The following PDCD6IP variants were observed in gnomAD, a reference collection of about 807,000 sequenced individuals.
PDCD6IP encodes the protein programmed cell death 6-interacting protein.
In PDCD6IP, 43 loss-of-function variants were observed where a neutral mutation model predicts 103.7. The ratio of observed to expected loss-of-function variants is 0.41; its 90% CI spans 0.32 to 0.53. The LOEUF (loss-of-function observed/expected upper bound fraction) is 0.53. Among genes scored for constraint, PDCD6IP ranks in the 20% least tolerant of loss-of-function variants. The probability of loss-of-function intolerance (pLI) is 0.16; values close to 1 mark genes in which losing one functional copy is unlikely to be tolerated. For synonymous variants in PDCD6IP, 354 were observed against 378.7 expected, an observed-to-expected ratio of 0.93 and a Z score of 0.76; for missense variants, 871 against 1,036.7, an observed-to-expected ratio of 0.84 and a Z score of 2.20.
intron 6 of PDCD6IP, 57 bp downstream of exon 6, chr3:33,826,637 T>C (rs1697132234): frequency 6.2e-7 from 1 of 1,600,612 alleles, no homozygotes; most frequent in Non-Finnish European, 8.5e-7. Flanking sequence ...ATTTAGACTT[T>C]TTTGTGTATA....
chr3:33,801,516 T>C (rs1442589843), intron 1 of PDCD6IP, among the ~76,000 whole-genome samples: 2 of 152,186 alleles, frequency 1.3e-5, no homozygotes, highest in African/African-American at 4.8e-5. Flanking sequence ...AAAAACTCAT[T>C]TGTTCTGGGT....
chr3:33,821,051 G>GAGCAAGTGTAGTGGCATGTAGT (rs1274284237), intron 3 of PDCD6IP, among the ~76,000 whole-genome samples: 1 of 152,120 alleles, frequency 6.6e-6, no homozygotes, highest in Non-Finnish European at 1.5e-5. Flanking sequence ...CTGACGCTCA[G>GAGCAAGTGTAGTGGCATGTAGT]GGTGAAGTGT....
chr3:33,824,519 A>G (rs1010690044), intron 4 of PDCD6IP, among the ~76,000 whole-genome samples: 8 of 152,134 alleles, frequency 5.3e-5, no homozygotes, highest in African/African-American at 1.9e-4. Context: ...CAGCCTCCCA[A>G]AGTGCCGGGA....
At chr3:33,813,497 C>A in intron 2 of PDCD6IP, 62 bp from the exon 3 acceptor site, 1 of 1,016,286 alleles carries the variant, frequency 9.8e-7, no homozygotes, top group Non-Finnish European at 1.5e-6. Flanking sequence ...TCAAAGAAGA[C>A]TTAATATTTA....
chr3:33,821,118 C>T (rs1350545067), intron 3 of PDCD6IP, among the ~76,000 whole-genome samples: 8 of 151,890 alleles, frequency 5.3e-5, no homozygotes, highest in African/African-American at 9.7e-5. Flanking sequence ...GTGGTCCTCC[C>T]GCCTCCGAGT....
intron 1 of PDCD6IP, among the ~76,000 whole-genome samples, chr3:33,806,723 C>G (rs1407729283): frequency 6.6e-6 from 1 of 152,158 alleles, no homozygotes; most frequent in Non-Finnish European, 1.5e-5. Context: ...GTGGTAGATT[C>G]TCTTGTTTCT....
intron 15 of PDCD6IP, among the ~76,000 whole-genome samples, chr3:33,858,749 G>A (rs1306895098): frequency 6.6e-6 from 1 of 151,818 alleles, no homozygotes; most frequent in Non-Finnish European, 1.5e-5. Context: ...GGCGGAGCTT[G>A]CAGTGAGCTG....
chr3:33,803,936 A>G (rs1220712352), intron 1 of PDCD6IP, among the ~76,000 whole-genome samples: 1 of 151,630 alleles, frequency 6.6e-6, no homozygotes, highest in African/African-American at 2.4e-5. Context: ...TGACTTTTTC[A>G]TTTGTAAAAT....
Position 33,799,426 on chromosome 3 carries a change from A to G in PDCD6IP, c.209+489A>G, listed in dbSNP as rs1304244746. 3 of 153,760 alleles carry G rather than the reference A, an allele frequency of 2.0e-5. No individual in the cohort carries two copies. The Admixed American group carries it at 2.0e-4, about 10-fold the overall frequency. The allele number at this position is 153,760 out of a possible 1,614,324, so 9.5% of individuals were successfully genotyped here. A position where few individuals can be genotyped will look rare whatever the true frequency, so the allele number is the denominator to read the frequency against. On this transcript the variant is annotated intron_variant, in intron 1 of 17. Transcript: ENST00000307296. ...TCAGCTCATCACATTGTCCACATGA[A>G]ATGGACCGTCTTCCTCAGTTCAAAA...
rs145293758 is a variant in PDCD6IP, at chr3:33,864,095, C to G, written c.2210C>G (p.Pro737Arg). The change falls in exon 16 of 18, where the codon CCA becomes CGA. Residue 737 changes from proline (P) to arginine (R), a missense_variant. Coordinates refer to ENST00000307296, the MANE Select transcript of PDCD6IP (RefSeq NM_013374.6). ...TCCTCACCAGCAGGAGGACATGCAC[C>G]AACTCCTCCAACTCCAGCGCCAAGA... is the stretch of plus-strand genomic sequence containing the variant. ...YQSSPAGGHA[P>R]TPPTPAPRTM... 5.7e-4 allele frequency: 925 copies of G among 1,610,526 alleles called. 5 individuals carry two copies. The highest frequency in any genetic ancestry group is 2.3e-4 in the Non-Finnish European group (269 of 1,176,836).
At chr3:33,853,287 A>C (rs1697760417) in intron 13 of PDCD6IP, among the ~76,000 whole-genome samples, 1 of 151,954 alleles carries the variant, frequency 6.6e-6, no homozygotes, top group Non-Finnish European at 1.5e-5. Flanking sequence ...TACTTCAGAT[A>C]TTTTTCATGG....
chr3:33,865,399 C>T lies in PDCD6IP; in HGVS notation c.2401C>T (p.Pro801Ser). ...GSAPPPQAQG[P>S]PYPTYPGYPG... ...AGCTCCTCCTCCACAGGCGCAGGGA[C>T]CACCCTATCCCACCTATCCAGGATA... The change falls in exon 17 of 18, where the codon CCA becomes TCA. Residue 801 changes from proline to serine, a missense_variant. Around this residue, in one of 5 missense-constraint regions of PDCD6IP, gnomAD observed 202 missense variants for 205.2 expected, o/e 0.98. Transcript: ENST00000307296. 1.3e-6 allele frequency: 2 copies of T among 1,596,090 alleles called. No homozygotes were observed. The highest frequency in any genetic ancestry group is 1.4e-5 in the African/African-American group (1 of 73,468).
chr3:33,800,516 G>T (rs1174196573), intron 1 of PDCD6IP, among the ~76,000 whole-genome samples: 2 of 152,182 alleles, frequency 1.3e-5, no homozygotes, highest in South Asian at 2.1e-4. Flanking sequence ...GAAGGAAGGG[G>T]TACTGAATAG....
chr3:33,868,062 T>C lies in PDCD6IP; in HGVS notation c.*1537T>C, dbSNP rs1698105754. ...ATAAATGACCTTTGATTTCATGGAA[T>C]ATTAAAGTTGGTTTAAAGTCCAATA... On this transcript the variant is annotated 3_prime_UTR_variant, in exon 18 of 18. Coordinates refer to ENST00000307296, the MANE Select transcript of PDCD6IP (RefSeq NM_013374.6). The C allele has an allele frequency of 6.6e-6, 1 of 152,202 alleles. No homozygotes were observed. Among genetic ancestry groups the C allele is most frequent in the Non-Finnish European group, 1.5e-5 (1 of 68,034 alleles). 9.4% of individuals were successfully genotyped at this position (152,202 alleles called of 1,614,324 possible).
intron 1 of PDCD6IP, among the ~76,000 whole-genome samples, chr3:33,799,792 A>G (rs1373429461): frequency 6.6e-6 from 1 of 152,214 alleles, no homozygotes; most frequent in African/African-American, 2.4e-5. Flanking sequence ...CAATCCAAGT[A>G]GCAGAAACCC....
At chr3:33,799,069 G>A in intron 1 of PDCD6IP, 132 bp downstream of exon 1, 1 of 868,114 alleles carries the variant, frequency 1.2e-6, no homozygotes, top group Non-Finnish European at 1.7e-6. Context: ...AGGCGCGTAG[G>A]TGTGGTCTGC....
chr3:33,814,845 A>C lies in PDCD6IP; in HGVS notation c.334+1217A>C, dbSNP rs1442419234. 3.1e-5 allele frequency among the ~76,000 whole-genome samples: 4 copies of C among 127,662 alleles called. No homozygotes were observed. The East Asian group carries it at 1.0e-3, about 32-fold the overall frequency. 83.8% of individuals were successfully genotyped at this position (127,662 alleles called of 152,430 possible). A position where few individuals can be genotyped will look rare whatever the true frequency, so the allele number is the denominator to read the frequency against. ...TATAATATGTATACTATATGCATGTATTATTCATATACATATATGTATATA... is the reference window on the plus strand; with the variant it reads ...TATAATATGTATACTATATGCATGTCTTATTCATATACATATATGTATATA... On this transcript the variant is annotated intron_variant, in intron 3 of 17. Coordinates refer to ENST00000307296, the MANE Select transcript of PDCD6IP (RefSeq NM_013374.6).
At chr3:33,818,379 A>C (rs1028540209) in intron 3 of PDCD6IP, among the ~76,000 whole-genome samples, 4 of 151,648 alleles carry the variant, frequency 2.6e-5, no homozygotes, top group African/African-American at 9.7e-5. Context: ...AAGTGCTGGG[A>C]TTACAGGTGT....
At chr3:33,843,096 G>A (rs1697512879) in intron 10 of PDCD6IP, among the ~76,000 whole-genome samples, 1 of 152,034 alleles carries the variant, frequency 6.6e-6, no homozygotes. Flanking sequence ...CAGATAGTGC[G>A]GTTTCTAGTC....
Sources: gnomAD v4.1 joint callset for allele counts (sites outside exome capture counted in the v4.1 genomes callset) on GRCh38, gnomAD v4.1.1 for gene constraint, gnomAD v4.1.1 regional missense constraint, MANE v1.5 for transcripts, NCBI Gene and HGNC (gene_info 2026-07-23, HGNC 2026-07-21) for gene names.